Variants in JAK1 observed in about 807,000 individuals in gnomAD.
The protein encoded by JAK1 is Janus kinase 1.
A neutral mutation model predicts 136.6 loss-of-function variants in JAK1; 16 were observed. The observed-to-expected ratio is 0.12, with a 90% confidence interval of 0.08 to 0.18. The LOEUF (loss-of-function observed/expected upper bound fraction) is 0.18, where lower values mean the gene tolerates loss of function less well. Among genes scored for constraint, JAK1 ranks in the 10% least tolerant of loss-of-function variants. JAK1 has a pLI of 1.00. For synonymous variants in JAK1, 492 were observed against 519.5 expected (o/e 0.95, Z 0.72); for missense variants, 859 against 1,450.1 (o/e 0.59, Z 6.62).
intron 2 of JAK1, among the ~76,000 whole-genome samples, chr1:65,020,591 T>C (rs1157288904): frequency 6.6e-6 from 1 of 152,246 alleles, no homozygotes; most frequent in South Asian, 2.1e-4. Flanking sequence ...CTTTTCTATA[T>C]GTACTGCATA....
chr1:64,919,032 T>A (rs548713595), intron 1 of JAK1, among the ~76,000 whole-genome samples: 3 of 152,338 alleles, frequency 2.0e-5, no homozygotes, highest in African/African-American at 7.2e-5. Context: ...TTTTTATTAT[T>A]ATACTTTAAG....
intron 1 of JAK1, among the ~76,000 whole-genome samples, chr1:65,061,399 A>G (rs969516547): frequency 6.6e-6 from 1 of 152,210 alleles, no homozygotes; most frequent in African/African-American, 2.4e-5. Flanking sequence ...TCAAGCGATC[A>G]ATCAATGTGG....
chr1:64,973,004 T>C (rs1646464921), intron 2 of JAK1: 1 of 150,876 alleles, frequency 6.6e-6, no homozygotes, highest in African/African-American at 2.4e-5. Flanking sequence ...TCTGTAGTCC[T>C]AGCTACTGAG....
intron 1 of JAK1, among the ~76,000 whole-genome samples, chr1:64,892,752 G>T (rs960554483): frequency 1.3e-5 from 2 of 152,178 alleles, no homozygotes; most frequent in African/African-American, 4.8e-5. Flanking sequence ...CGGCTAAGGC[G>T]TTCCCACAGT....
intron 1 of JAK1, among the ~76,000 whole-genome samples, chr1:64,956,740 A>T (rs12569186): frequency 6.6e-6 from 1 of 151,968 alleles, no homozygotes; most frequent in Non-Finnish European, 1.5e-5. Context: ...TAAGGAGCAG[A>T]GAGGAAGGAA....
At chr1:65,066,977 T>TC (rs1237759922) in intron 1 of JAK1, among the ~76,000 whole-genome samples, 4 of 151,628 alleles carry the variant, frequency 2.6e-5, no homozygotes, top group Non-Finnish European at 1.5e-5. Context: ...CGCCCGGGGC[T>TC]CCCCGCGTTG....
intron 2 of JAK1, among the ~76,000 whole-genome samples, chr1:64,981,144 G>A (rs1646541599): frequency 6.6e-6 from 1 of 152,168 alleles, no homozygotes; most frequent in African/African-American, 2.4e-5. Flanking sequence ...ACAGAGATAA[G>A]TGCCCTGGTA....
chr1:64,867,130 ATTAT>A lies in JAK1; in HGVS notation c.722_725del (p.Asn241MetfsTer7). 6.2e-7 allele frequency: 1 copy of A among 1,613,294 alleles called. No individual in the cohort carries two copies. Among genetic ancestry groups the A allele is most frequent in the Non-Finnish European group, 8.5e-7 (1 of 1,179,310 alleles). Reference sequence around the variant, plus strand: ...ATTCCTTTAGGAAATCCTTGAAAACATTATTTATCCGCATCCTGGTGAGAAGGTT... The same window carrying A: ...ATTCCTTTAGGAAATCCTTGAAAACATTATCCGCATCCTGGTGAGAAGGTT... On this transcript the variant is annotated frameshift_variant, in exon 7 of 25. Coordinates refer to ENST00000342505, the MANE Select transcript of JAK1 (RefSeq NM_002227.4). LOFTEE classifies it high-confidence loss of function.
intron 2 of JAK1, among the ~76,000 whole-genome samples, chr1:64,988,726 TAA>T (rs1398349848): frequency 1.3e-5 from 2 of 149,566 alleles, no homozygotes; most frequent in African/African-American, 2.5e-5. Flanking sequence ...CTATAAAAAA[TAA>T]AAAAATAAAA....
At chr1:65,059,087 T>C (rs1480867518) in intron 1 of JAK1, among the ~76,000 whole-genome samples, 1 of 151,418 alleles carries the variant, frequency 6.6e-6, no homozygotes, top group African/African-American at 2.4e-5. Context: ...TATTCATTAA[T>C]TCATCAAAAA....
At chr1:64,940,096 G>A (rs1479907818) in intron 1 of JAK1, among the ~76,000 whole-genome samples, 2 of 152,094 alleles carry the variant, frequency 1.3e-5, no homozygotes, top group African/African-American at 4.8e-5. Flanking sequence ...TATGAGAGCA[G>A]GCACTACACA....
At chr1:64,996,815 G>A (rs895905288) in intron 2 of JAK1, among the ~76,000 whole-genome samples, 3 of 152,174 alleles carry the variant, frequency 2.0e-5, no homozygotes, top group African/African-American at 4.8e-5. Context: ...GCTGAAGCTC[G>A]CCTAAGACAG....
At chr1:65,016,495 G>A (rs1172206646) in intron 2 of JAK1, among the ~76,000 whole-genome samples, 7 of 152,002 alleles carry the variant, frequency 4.6e-5, no homozygotes, top group Non-Finnish European at 7.4e-5. Flanking sequence ...GATGGCATGC[G>A]CCTGTAGTCC....
intron 1 of JAK1, among the ~76,000 whole-genome samples, chr1:65,067,135 A>AGGCCC (rs942736288): frequency 1.6e-4 from 24 of 151,630 alleles, no homozygotes; most frequent in South Asian, 2.1e-4. Context: ...CGGAGTGCGG[A>AGGCCC]GGCCCGGCCC....
intron 2 of JAK1, among the ~76,000 whole-genome samples, chr1:64,994,596 C>T (rs559143586): frequency 2.0e-5 from 3 of 152,224 alleles, no homozygotes; most frequent in East Asian, 1.9e-4. Flanking sequence ...TTCTTGAGGG[C>T]GGAGCTCTCT....
At chr1:64,963,624 T>C (rs1177229721) in intron 1 of JAK1, among the ~76,000 whole-genome samples, 1 of 152,216 alleles carries the variant, frequency 6.6e-6, no homozygotes, top group Non-Finnish European at 1.5e-5. Context: ...TTAGTTATGA[T>C]TTGCATAGCA....
intron 2 of JAK1, among the ~76,000 whole-genome samples, chr1:64,978,315 T>C (rs1646514652): frequency 6.6e-6 from 1 of 152,074 alleles, no homozygotes; most frequent in South Asian, 2.1e-4. Context: ...ACTCAAATCT[T>C]TTTGCCTAAA....
intron 2 of JAK1, among the ~76,000 whole-genome samples, chr1:65,044,218 G>A (rs1647163426): frequency 6.6e-6 from 1 of 152,176 alleles, no homozygotes; most frequent in Admixed American, 6.6e-5. Context: ...CTAGTGGTTG[G>A]CAAAGGTTAG....
intron 1 of JAK1, among the ~76,000 whole-genome samples, chr1:64,887,573 C>T (rs72675462): frequency 0.05 from 7,565 of 152,168 alleles, 317 homozygotes; most frequent in Admixed American, 0.14. Flanking sequence ...TCCCTGCCTA[C>T]GTGGAGCTTA....
Sources: allele counts gnomAD v4.1 joint callset (sites outside exome capture counted in the v4.1 genomes callset), GRCh38; gene constraint gnomAD v4.1.1; transcripts MANE v1.5; gene names NCBI Gene and HGNC (gene_info 2026-07-23, HGNC 2026-07-21).